The following PRKN variants were observed in gnomAD, a reference collection of about 807,000 sequenced individuals.
PRKN encodes the protein parkin RBR E3 ubiquitin protein ligase, also known as E3 ubiquitin-protein ligase parkin.
PRKN carries 56 observed loss-of-function variants against 59.5 expected under a neutral mutation model. That is an observed-to-expected ratio of 0.94 (90% CI 0.76 to 1.18). The LOEUF is 1.18. Among genes scored for constraint, PRKN ranks in the 50% most tolerant of loss-of-function variants. The pLI is 0.00. For synonymous variants in PRKN, 250 were observed against 222.1 expected (o/e 1.13, Z -1.12); for missense variants, 657 against 596.4 (o/e 1.10, Z -1.06).
chr6:161,585,280 T>C (rs1182587965), intron 7 of PRKN, among the ~76,000 whole-genome samples: 4 of 152,236 alleles, frequency 2.6e-5, no homozygotes, highest in East Asian at 3.8e-4. Context: ...ATTAGATTCA[T>C]ATATGTGAGC....
At chr6:162,058,229 C>G (rs1777944433) in intron 4 of PRKN, among the ~76,000 whole-genome samples, 1 of 152,174 alleles carries the variant, frequency 6.6e-6, no homozygotes. Flanking sequence ...CCTTTGATCC[C>G]TTTCCTCATC....
In PRKN at chr6:162,146,217, G is replaced by C. The variant is rs551802748; in HGVS notation, c.534+54914C>G. Among the ~76,000 whole-genome samples, 3 of 152,192 alleles carry C rather than the reference G, an allele frequency of 2.0e-5. No homozygotes were observed. In the East Asian group the frequency reaches 5.8e-4, roughly 29 times the overall value. Reference sequence around the variant, plus strand: ...CAGCAAACATATGCTAAAGATAGTAGACTAGAGATGGACAGTCTGGCCCAT... The same window carrying C: ...CAGCAAACATATGCTAAAGATAGTACACTAGAGATGGACAGTCTGGCCCAT... On this transcript the variant is annotated intron_variant, in intron 4 of 11. Coordinates refer to ENST00000366898, the MANE Select transcript of PRKN (RefSeq NM_004562.3).
chr6:162,682,546 A>G (rs984303365), intron 1 of PRKN, among the ~76,000 whole-genome samples: 2 of 152,200 alleles, frequency 1.3e-5, no homozygotes, highest in African/African-American at 4.8e-5. Context: ...AGAGGAAGCT[A>G]AACATTGAAT....
chr6:162,417,359 G>GC (rs1465502404), intron 2 of PRKN, among the ~76,000 whole-genome samples: 1 of 152,020 alleles, frequency 6.6e-6, no homozygotes, highest in Non-Finnish European at 1.5e-5. Context: ...TGCCTTTCCT[G>GC]CCCCCGGCAG....
intron 4 of PRKN, among the ~76,000 whole-genome samples, chr6:162,159,163 A>G (rs1373340846): frequency 1.3e-5 from 2 of 150,836 alleles, no homozygotes; most frequent in Non-Finnish European, 2.9e-5. Context: ...ATCTCTATCT[A>G]TTAAATTCTG....
chr6:161,365,559 A>G (rs1299183439), intron 10 of PRKN, among the ~76,000 whole-genome samples: 1 of 152,248 alleles, frequency 6.6e-6, no homozygotes, highest in African/African-American at 2.4e-5. Flanking sequence ...GGAAAATTGC[A>G]AATTTATATT....
rs1350629702 is a variant in PRKN at position 161,447,327 on chromosome 6, C to T, written c.1084-60450G>A. Among the ~76,000 whole-genome samples the T allele has an allele frequency of 6.6e-6, 1 of 152,198 alleles. No individual in the cohort carries two copies. Among genetic ancestry groups the T allele is most frequent in the African/African-American group, 2.4e-5 (1 of 41,454 alleles). ...CTAAAATTCACTTCGAAACTCCTAA[C>T]AGCAGAATTCCCCAAACCTTTTCAG... On this transcript the variant is annotated intron_variant, in intron 9 of 11. Transcript: ENST00000366898. The surrounding 1 kb of genome is among the most constrained non-coding windows in gnomAD (Gnocchi z 4.1).
intron 1 of PRKN, among the ~76,000 whole-genome samples, chr6:162,646,043 T>G (rs1778168292): frequency 6.6e-6 from 1 of 151,536 alleles, no homozygotes; most frequent in Non-Finnish European, 1.5e-5. Context: ...CCTGGCTAAT[T>G]TTTTGTATTT....
At chr6:162,502,426 G>A (rs1793417634) in intron 1 of PRKN, among the ~76,000 whole-genome samples, 1 of 152,110 alleles carries the variant, frequency 6.6e-6, no homozygotes, top group Admixed American at 6.5e-5. Flanking sequence ...CCAAAATGCT[G>A]GGATTACAGC....
At chr6:161,567,037 T>TTTGTTTGTGTG (rs548743646) in intron 8 of PRKN, among the ~76,000 whole-genome samples, 1 of 103,770 alleles carries the variant, frequency 9.6e-6, no homozygotes. Context: ...TTTTTTTTTT[T>TTTGTTTGTGTG]TGTGTGTGTG....
intron 1 of PRKN, among the ~76,000 whole-genome samples, chr6:162,642,634 G>C (rs998806215): frequency 6.6e-6 from 1 of 151,822 alleles, no homozygotes; most frequent in African/African-American, 2.4e-5. Context: ...CGAAAACTCA[G>C]ACTAAGTAGT....
Position 161,370,591 on chromosome 6 carries a change from C to CAAA in PRKN, c.1168-10389_1168-10387dup, listed in dbSNP as rs560655971. Among the ~76,000 whole-genome samples the CAAA allele has an allele frequency of 9.9e-3, 572 of 57,764 alleles. 22 individuals carry two copies. The highest frequency in any genetic ancestry group is 0.049 in the South Asian group (75 of 1,540). 37.9% of individuals were successfully genotyped at this position (57,764 alleles called of 152,430 possible). On this transcript the variant is annotated intron_variant, in intron 10 of 11. Coordinates refer to ENST00000366898, the MANE Select transcript of PRKN (RefSeq NM_004562.3). ...TGGGCGACAGAGCAAGACTCTGTGT[C>CAAA]AAAAAAAAAAAAAAAAAAAAGCCGA...
intron 1 of PRKN, among the ~76,000 whole-genome samples, chr6:162,612,839 G>A (rs1400284536): frequency 6.6e-6 from 1 of 151,988 alleles, no homozygotes; most frequent in Non-Finnish European, 1.5e-5. Context: ...ACCTGCTTCT[G>A]GCCCACAGAG....
At chr6:162,340,189 C>T (rs1044218611) in intron 2 of PRKN, among the ~76,000 whole-genome samples, 6 of 150,228 alleles carry the variant, frequency 4.0e-5, no homozygotes, top group Non-Finnish European at 7.4e-5. Flanking sequence ...AATTTTATTT[C>T]GTGAGAACCA....
At chr6:162,459,677 A>G (rs920732578) in intron 1 of PRKN, among the ~76,000 whole-genome samples, 2 of 152,316 alleles carry the variant, frequency 1.3e-5, no homozygotes, top group Admixed American at 6.5e-5. Flanking sequence ...CAGAGTTGTT[A>G]TAAGTATGAA....
At chr6:161,936,660 T>C in intron 6 of PRKN, among the ~76,000 whole-genome samples, 1 of 152,202 alleles carries the variant, frequency 6.6e-6, no homozygotes, top group East Asian at 1.9e-4. Context: ...AGACTCCTCC[T>C]GCACCACGAG....
rs1182576160 is a variant in PRKN, at chr6:161,409,986, T to C, written c.1084-23109A>G. On this transcript the variant is annotated intron_variant, in intron 9 of 11. Coordinates refer to ENST00000366898, the MANE Select transcript of PRKN (RefSeq NM_004562.3). This position sits in a 1 kb window ranked among gnomAD's most constrained non-coding sequence, Gnocchi z 4.6. ...CAGGAAGATTAAATTCTGTCTCATG[T>C]GTATCATGAATAAAAGTGCTAAGCC... Among the ~76,000 whole-genome samples, 1 of 152,168 alleles carries C rather than the reference T, an allele frequency of 6.6e-6. No homozygotes were observed. The highest frequency in any genetic ancestry group is 1.5e-5 in the Non-Finnish European group (1 of 68,030).
intron 1 of PRKN, among the ~76,000 whole-genome samples, chr6:162,471,142 G>C (rs1383483751): frequency 1.3e-5 from 2 of 151,326 alleles, no homozygotes; most frequent in East Asian, 3.9e-4. Flanking sequence ...TTGTCACCCA[G>C]GCTGGAGTGC....
At chr6:162,517,851 A>G (rs1226255053) in intron 1 of PRKN, among the ~76,000 whole-genome samples, 1 of 152,212 alleles carries the variant, frequency 6.6e-6, no homozygotes, top group African/African-American at 2.4e-5. Flanking sequence ...TTAGACTTTA[A>G]TAGTAGAAGC....
Sources: allele counts gnomAD v4.1 joint callset (sites outside exome capture counted in the v4.1 genomes callset), GRCh38; gene constraint gnomAD v4.1.1; non-coding constraint Gnocchi (gnomAD v3.1); transcripts MANE v1.5; gene names NCBI Gene and HGNC (gene_info 2026-07-23, HGNC 2026-07-21).